The following CCSER1 variants were observed in gnomAD, a reference collection of about 807,000 sequenced individuals.
CCSER1 encodes the protein serine-rich coiled-coil domain-containing protein 1.
A neutral mutation model predicts 82.0 loss-of-function variants in CCSER1; 41 were observed. The observed-to-expected ratio is 0.50, with a 90% confidence interval of 0.39 to 0.65. The LOEUF (loss-of-function observed/expected upper bound fraction) is 0.65, where lower values mean the gene tolerates loss of function less well. Among genes scored for constraint, CCSER1 ranks in the 30% least tolerant of loss-of-function variants. The pLI is 0.00. For synonymous variants in CCSER1, 414 were observed against 383.9 expected (o/e 1.08, Z -0.92); for missense variants, 1,119 against 1,064.2 (o/e 1.05, Z -0.72).
At chr4:91,225,376 A>G (rs534739489) in intron 10 of CCSER1, among the ~76,000 whole-genome samples, 11 of 139,148 alleles carry the variant, frequency 7.9e-5, no homozygotes, top group African/African-American at 2.7e-4. Flanking sequence ...TATGTAATAT[A>G]TATGATATAA....
chr4:90,832,523 G>A (rs1266861108), intron 8 of CCSER1, among the ~76,000 whole-genome samples: 3 of 151,848 alleles, frequency 2.0e-5, no homozygotes, highest in African/African-American at 7.3e-5. Flanking sequence ...GATGTATACT[G>A]AACTAAGGTT....
In CCSER1 at chr4:91,061,119, G is replaced by A. The variant is rs116101534; in HGVS notation, c.2173-24831G>A. 2.9e-3 allele frequency among the ~76,000 whole-genome samples: 447 copies of A among 151,920 alleles called. 2 individuals carry two copies. Among genetic ancestry groups the A allele is most frequent in the African/African-American group, 0.01 (421 of 41,462 alleles). ...TACTCCTAAATAATGACTTTAAAAT[G>A]TATTGCACTTTATAGGTTGCTATAC... On this transcript the variant is annotated intron_variant, in intron 9 of 10. Transcript: ENST00000509176.
chr4:90,609,590 C>G (rs1785182845), intron 5 of CCSER1, among the ~76,000 whole-genome samples: 1 of 152,096 alleles, frequency 6.6e-6, no homozygotes, highest in Admixed American at 6.6e-5. Flanking sequence ...AGAAGGAAAA[C>G]TATAGAGCAT....
At chr4:90,915,608 A>C (rs1222295480) in intron 8 of CCSER1, among the ~76,000 whole-genome samples, 1 of 152,154 alleles carries the variant, frequency 6.6e-6, no homozygotes, top group Non-Finnish European at 1.5e-5. Flanking sequence ...CTGGCACAAG[A>C]CAGGGATGCC....
intron 7 of CCSER1, among the ~76,000 whole-genome samples, chr4:90,734,301 A>AT (rs1219450007): frequency 2.0e-5 from 3 of 151,606 alleles, no homozygotes; most frequent in African/African-American, 4.8e-5. Context: ...AATTTTTTGT[A>AT]TTTTTAGTAG....
At chr4:90,143,187 T>G (rs1725126698) in intron 1 of CCSER1, among the ~76,000 whole-genome samples, 1 of 152,088 alleles carries the variant, frequency 6.6e-6, no homozygotes, top group Non-Finnish European at 1.5e-5. Flanking sequence ...AAACATCAGT[T>G]CCAGCAAACA....
intron 8 of CCSER1, among the ~76,000 whole-genome samples, chr4:90,894,448 T>C (rs1358017101): frequency 6.6e-6 from 1 of 152,064 alleles, no homozygotes; most frequent in Non-Finnish European, 1.5e-5. Flanking sequence ...CAACAAATAC[T>C]GTAAGACAAC....
intron 7 of CCSER1, among the ~76,000 whole-genome samples, chr4:90,789,027 C>G (rs1303039653): frequency 6.8e-6 from 1 of 148,002 alleles, no homozygotes; most frequent in Non-Finnish European, 1.5e-5. Flanking sequence ...CACACACACA[C>G]CATCTCAATC....
At chr4:90,300,037 AT>A (rs1553992874) in intron 1 of CCSER1, among the ~76,000 whole-genome samples, 2 of 152,062 alleles carry the variant, frequency 1.3e-5, no homozygotes, top group Non-Finnish European at 2.9e-5. Flanking sequence ...TAGTGTGGTC[AT>A]TAAGGCTCTA....
intron 10 of CCSER1, among the ~76,000 whole-genome samples, chr4:91,577,891 T>C (rs931472240): frequency 2.6e-5 from 4 of 152,152 alleles, no homozygotes; most frequent in Non-Finnish European, 5.9e-5. Context: ...CAAAACTATA[T>C]GTTGAAAATT....
intron 1 of CCSER1, among the ~76,000 whole-genome samples, chr4:90,143,491 TAC>T (rs56859054): frequency 0.059 from 8,329 of 141,220 alleles, 291 homozygotes; most frequent in South Asian, 0.15. Context: ...AGTACACACA[TAC>T]ACACACACAC....
chr4:90,705,089 C>A (rs1400073443), intron 6 of CCSER1, among the ~76,000 whole-genome samples: 1 of 151,980 alleles, frequency 6.6e-6, no homozygotes, highest in Admixed American at 6.6e-5. Context: ...CTGTTTTTTC[C>A]CCATCTTTGT....
At chr4:90,386,101 A>C (rs1180706059) in intron 3 of CCSER1, among the ~76,000 whole-genome samples, 1 of 152,216 alleles carries the variant, frequency 6.6e-6, no homozygotes, top group Non-Finnish European at 1.5e-5. Context: ...TCGACAGATT[A>C]AATGCAATTT....
chr4:90,944,417 A>T (rs1319399307), intron 9 of CCSER1, among the ~76,000 whole-genome samples: 1 of 152,064 alleles, frequency 6.6e-6, no homozygotes, highest in Non-Finnish European at 1.5e-5. Flanking sequence ...TCACTTAAGG[A>T]ACATATTATT....
chr4:91,482,527 A>T (rs920238939), intron 10 of CCSER1, among the ~76,000 whole-genome samples: 4 of 152,042 alleles, frequency 2.6e-5, no homozygotes, highest in Non-Finnish European at 1.5e-5. Context: ...ATTCTGGAAG[A>T]CAGTGTGGTG....
intron 10 of CCSER1, among the ~76,000 whole-genome samples, chr4:91,141,933 G>A (rs1323896846): frequency 6.6e-6 from 1 of 152,066 alleles, no homozygotes; most frequent in Non-Finnish European, 1.5e-5. Flanking sequence ...AGAAGTGTCT[G>A]TTCATATCTT....
intron 8 of CCSER1, among the ~76,000 whole-genome samples, chr4:90,823,146 CTCTT>C (rs769279207): frequency 1.7e-4 from 26 of 151,932 alleles, no homozygotes; most frequent in Non-Finnish European, 3.4e-4. Context: ...TAATGAGAGA[CTCTT>C]TCCTAAGAAG....
intron 5 of CCSER1, among the ~76,000 whole-genome samples, chr4:90,536,835 A>T (rs970857300): frequency 3.9e-5 from 6 of 152,092 alleles, no homozygotes; most frequent in Middle Eastern, 3.2e-3. Flanking sequence ...TTTGAATGAA[A>T]CTCATTTGAG....
chr4:90,783,140 C>T (rs1330735276), intron 7 of CCSER1, among the ~76,000 whole-genome samples: 1 of 152,116 alleles, frequency 6.6e-6, no homozygotes, highest in East Asian at 1.9e-4. Flanking sequence ...TGGGGTTTCA[C>T]CATATTGGCC....
Sources: gnomAD v4.1 joint callset for allele counts (sites outside exome capture counted in the v4.1 genomes callset) on GRCh38, gnomAD v4.1.1 for gene constraint, MANE v1.5 for transcripts, NCBI Gene and HGNC (gene_info 2026-07-23, HGNC 2026-07-21) for gene names.